GALNTL6: variants seen among roughly 807,000 people sequenced by gnomAD.
The protein encoded by GALNTL6 is polypeptide N-acetylgalactosaminyltransferase like 6, also known as polypeptide N-acetylgalactosaminyltransferase-like 6.
GALNTL6 carries 46 observed loss-of-function variants against 73.7 expected under a neutral mutation model. The observed-to-expected ratio is 0.62, with a 90% CI of 0.49 to 0.80. GALNTL6 has a LOEUF of 0.80. Among genes scored for constraint, GALNTL6 ranks in the 30% least tolerant of loss-of-function variants. The probability of loss-of-function intolerance (pLI) is 0.00; values close to 1 mark genes in which losing one functional copy is unlikely to be tolerated. For synonymous variants in GALNTL6, 259 were observed against 263.7 expected (o/e 0.98, Z 0.17); for missense variants, 604 against 755.0 (o/e 0.80, Z 2.34).
At chr4:172,113,747 A>G (rs528139213) in intron 2 of GALNTL6, among the ~76,000 whole-genome samples, 23 of 152,208 alleles carry the variant, frequency 1.5e-4, no homozygotes, top group African/African-American at 5.1e-4. Context: ...CTTTCAGACA[A>G]TGACCAAAGC....
intron 2 of GALNTL6, among the ~76,000 whole-genome samples, chr4:172,151,938 ATATCTATCTATCTATCTATCTATC>A (rs10528560): frequency 3.3e-4 from 49 of 146,530 alleles, no homozygotes; most frequent in South Asian, 8.7e-4. Flanking sequence ...ATATAAATTT[ATATCTATCTATCTATCTATCTATC>A]TATCTATCTA....
chr4:172,233,310 T>G (rs1737136701), intron 3 of GALNTL6, among the ~76,000 whole-genome samples: 1 of 151,784 alleles, frequency 6.6e-6, no homozygotes, highest in African/African-American at 2.4e-5. Context: ...AATTCGAGGC[T>G]GCAGTGAGCT....
At chr4:172,480,005 G>T (rs1445112827) in intron 5 of GALNTL6, among the ~76,000 whole-genome samples, 1 of 152,152 alleles carries the variant, frequency 6.6e-6, no homozygotes, top group African/African-American at 2.4e-5. Flanking sequence ...CTAGCCAGAG[G>T]ATTGCCCATT....
intron 2 of GALNTL6, among the ~76,000 whole-genome samples, chr4:172,128,996 C>G (rs1015493951): frequency 6.6e-6 from 1 of 152,200 alleles, no homozygotes; most frequent in East Asian, 1.9e-4. Flanking sequence ...AGAATTAATC[C>G]TTTGATTAAT....
At chr4:171,903,433 G>C (rs9762646) in intron 2 of GALNTL6, among the ~76,000 whole-genome samples, 2 of 151,878 alleles carry the variant, frequency 1.3e-5, no homozygotes, top group African/African-American at 4.8e-5. Context: ...GCGCTTTGCC[G>C]AAGGGCTTAA....
At chr4:171,844,306 C>T (rs1054046864) in intron 2 of GALNTL6, among the ~76,000 whole-genome samples, 3 of 152,016 alleles carry the variant, frequency 2.0e-5, no homozygotes, top group African/African-American at 7.2e-5. Context: ...GTTAACTTTG[C>T]TACCATTTTA....
chr4:172,467,677 T>A (rs184466863), intron 5 of GALNTL6, among the ~76,000 whole-genome samples: 89 of 152,260 alleles, frequency 5.8e-4, no homozygotes, highest in African/African-American at 1.8e-3. Flanking sequence ...GGAAAGAAAC[T>A]TTACCCCTTT....
chr4:172,440,703 T>C (rs1365683685), intron 5 of GALNTL6, among the ~76,000 whole-genome samples: 4 of 152,132 alleles, frequency 2.6e-5, no homozygotes, highest in Non-Finnish European at 4.4e-5. Flanking sequence ...GAGGAGGCTA[T>C]GCATGTGTAG....
chr4:172,429,210 T>TTTATTTTATTTTA (rs1731348310), intron 5 of GALNTL6, among the ~76,000 whole-genome samples: 1 of 147,656 alleles, frequency 6.8e-6, no homozygotes, highest in Non-Finnish European at 1.5e-5. Flanking sequence ...TTTATTTTAT[T>TTTATTTTATTTTA]TTATTTTATT....
chr4:172,460,101 C>G (rs568923168), intron 5 of GALNTL6, among the ~76,000 whole-genome samples: 3 of 152,042 alleles, frequency 2.0e-5, no homozygotes, highest in Admixed American at 6.6e-5. Context: ...ACAAACCTGA[C>G]AAAAACAAGC....
chr4:172,562,357 A>T (rs187749303), intron 5 of GALNTL6, among the ~76,000 whole-genome samples: 1 of 152,344 alleles, frequency 6.6e-6, no homozygotes, highest in East Asian at 1.9e-4. Context: ...GAAGCTTCCA[A>T]AATGAAGAGT....
chr4:172,764,263 AT>A (rs1303907889), intron 5 of GALNTL6, among the ~76,000 whole-genome samples: 1 of 152,162 alleles, frequency 6.6e-6, no homozygotes, highest in African/African-American at 2.4e-5. Context: ...GGCCAGTGTT[AT>A]TTTTTTCTAA....
chr4:172,821,946 C>T (rs1269787843), intron 7 of GALNTL6, among the ~76,000 whole-genome samples: 1 of 152,142 alleles, frequency 6.6e-6, no homozygotes, highest in Non-Finnish European at 1.5e-5. Flanking sequence ...AGGCCCCTGG[C>T]TGCCCTGAGC....
intron 5 of GALNTL6, among the ~76,000 whole-genome samples, chr4:172,499,394 A>G (rs1339480405): frequency 6.6e-6 from 1 of 152,230 alleles, no homozygotes; most frequent in African/African-American, 2.4e-5. Flanking sequence ...ACAAGACTGA[A>G]TCTGCCAGCA....
intron 2 of GALNTL6, among the ~76,000 whole-genome samples, chr4:171,946,190 A>G (rs961704210): frequency 6.6e-6 from 1 of 152,204 alleles, no homozygotes; most frequent in Non-Finnish European, 1.5e-5. Context: ...AATGATTAGA[A>G]ATTAGAATAC....
intron 3 of GALNTL6, among the ~76,000 whole-genome samples, chr4:172,289,951 C>T (rs1322349566): frequency 1.3e-5 from 2 of 152,150 alleles, no homozygotes; most frequent in African/African-American, 2.4e-5. Context: ...ACTTTAGGAG[C>T]TTGCTTTCCT....
chr4:172,881,803 T>C (rs1379154955), intron 7 of GALNTL6, among the ~76,000 whole-genome samples: 1 of 152,184 alleles, frequency 6.6e-6, no homozygotes, highest in Non-Finnish European at 1.5e-5. Flanking sequence ...TATATAGTTA[T>C]CTCTTTTGCC....
At position 172,517,034 on chromosome 4, in the gene GALNTL6, G is replaced by A. The variant is rs560230353; in HGVS notation, c.553+168345G>A. Among the ~76,000 whole-genome samples, 4 of 152,156 alleles carry A rather than the reference G, an allele frequency of 2.6e-5. No homozygotes were observed. In the South Asian group the frequency reaches 8.3e-4, roughly 32 times the overall value. ...TGGGTGTCAGGAACTGGGGGGAAGA[G>A]GAAATGAAGGGTTGATATTTAATGG... On this transcript the variant is annotated intron_variant, in intron 5 of 12. Transcript: ENST00000506823.
rs189507818 is a variant in GALNTL6, at chr4:172,572,179, A to G, written c.553+223490A>G. Among the ~76,000 whole-genome samples the G allele has an allele frequency of 1.2e-3, 185 of 152,258 alleles. 1 individual carries two copies. Among genetic ancestry groups the G allele is most frequent in the Non-Finnish European group, 1.9e-3 (132 of 68,020 alleles). The stretch of plus-strand genomic sequence containing the variant: ...ACAGTCTGTGCTCTCTGTACAATCT[A>G]TGATGCGGACTGCAGTCACAGTTCT... On this transcript the variant is annotated intron_variant, in intron 5 of 12. Transcript: ENST00000506823.
Sources: allele counts gnomAD v4.1 joint callset (sites outside exome capture counted in the v4.1 genomes callset), GRCh38; gene constraint gnomAD v4.1.1; transcripts MANE v1.5; gene names NCBI Gene and HGNC (gene_info 2026-07-23, HGNC 2026-07-21).